Variants in HIVEP1 observed in about 807,000 individuals in gnomAD.
The protein encoded by HIVEP1 is HIVEP zinc finger 1.
HIVEP1 carries 36 observed loss-of-function variants against 180.0 expected under a neutral mutation model. The observed-to-expected ratio is 0.20, with a 90% CI of 0.15 to 0.26. The LOEUF is 0.26. Among genes scored for constraint, HIVEP1 ranks in the 10% least tolerant of loss-of-function variants. The pLI is 1.00. For missense variants in HIVEP1, 3,143 were observed against 3,268.7 expected (o/e 0.96, Z 0.94); for synonymous variants, 1,239 against 1,239.0 (o/e 1.00, Z 0.00).
chr6:12,165,922 T>A (rs559073134), downstream of HIVEP1, among the ~76,000 whole-genome samples: 5 of 152,330 alleles, frequency 3.3e-5, no homozygotes, highest in South Asian at 1.0e-3. Flanking sequence ...TCAATTAGGA[T>A]CTCCAAGGTG....
At chr6:12,185,697 A>G in the HIVEP1 span, among the ~76,000 whole-genome samples, 1,337 of 152,322 alleles carry the variant, frequency 8.8e-3, 28 homozygotes, top group African/African-American at 0.03. Flanking sequence ...AATTTGCTCA[A>G]TACCAGTAGT....
At chr6:12,151,242 T>C (rs1027005798) in intron 7 of HIVEP1, among the ~76,000 whole-genome samples, 1 of 152,310 alleles carries the variant, frequency 6.6e-6, no homozygotes, top group Admixed American at 6.5e-5. Context: ...TTTTATTGAG[T>C]ATTAGAAACA....
chr6:12,056,269 T>C (rs1301218625), intron 2 of HIVEP1, among the ~76,000 whole-genome samples: 2 of 152,116 alleles, frequency 1.3e-5, no homozygotes, highest in East Asian at 1.9e-4. Flanking sequence ...GAAGGAAGTG[T>C]CTTGAATGTA....
At chr6:12,160,974 TCA>T (rs1198701039) in intron 7 of HIVEP1, among the ~76,000 whole-genome samples, 1 of 152,226 alleles carries the variant, frequency 6.6e-6, no homozygotes, top group African/African-American at 2.4e-5. Context: ...TGTATGTTGC[TCA>T]CAGATACCAA....
chr6:12,055,246 G>A (rs895927401), intron 2 of HIVEP1, among the ~76,000 whole-genome samples: 4 of 152,230 alleles, frequency 2.6e-5, no homozygotes, highest in East Asian at 1.9e-4. Flanking sequence ...AGGCCAAGGC[G>A]GACGAATCAC....
intron 7 of HIVEP1, among the ~76,000 whole-genome samples, chr6:12,154,940 G>A (rs955040928): frequency 2.0e-5 from 3 of 151,706 alleles, no homozygotes; most frequent in Non-Finnish European, 4.4e-5. Flanking sequence ...CCAGCTTTTG[G>A]TTTCCTTGCC....
chr6:12,142,027 A>G (rs1019917915), intron 7 of HIVEP1, among the ~76,000 whole-genome samples: 2 of 152,230 alleles, frequency 1.3e-5, no homozygotes, highest in African/African-American at 2.4e-5. Context: ...CTCTGCACCA[A>G]GCAGACCTAA....
At chr6:12,183,975 A>AGAT in the HIVEP1 span, among the ~76,000 whole-genome samples, 134 of 56,206 alleles carry the variant, frequency 2.4e-3, no homozygotes, top group African/African-American at 7.3e-3. Flanking sequence ...CACATTGTAA[A>AGAT]GATAGATAGA....
the HIVEP1 span, among the ~76,000 whole-genome samples, chr6:12,208,346 T>C: frequency 6.6e-6 from 1 of 152,160 alleles, no homozygotes; most frequent in Non-Finnish European, 1.5e-5. Flanking sequence ...GCAACCTTGA[T>C]GACAGCAGTC....
intron 6 of HIVEP1, among the ~76,000 whole-genome samples, chr6:12,131,831 A>G (rs1272996407): frequency 6.6e-6 from 1 of 151,196 alleles, no homozygotes; most frequent in Non-Finnish European, 1.5e-5. Flanking sequence ...AAATAGAAAC[A>G]ACTTTTATCC....
At chr6:12,088,821 A>G (rs777283941) in intron 2 of HIVEP1, among the ~76,000 whole-genome samples, 7 of 152,082 alleles carry the variant, frequency 4.6e-5, no homozygotes, top group Non-Finnish European at 1.0e-4. Context: ...TAAGCTAGTA[A>G]GCATTTGTTA....
intron 3 of HIVEP1, among the ~76,000 whole-genome samples, chr6:12,111,933 A>G (rs1038176445): frequency 3.9e-5 from 6 of 152,238 alleles, no homozygotes; most frequent in Admixed American, 3.9e-4. Flanking sequence ...CATATTGGAC[A>G]GTACAACTTT....
At chr6:12,025,046 A>T (rs1002810947) in intron 2 of HIVEP1, among the ~76,000 whole-genome samples, 1 of 152,214 alleles carries the variant, frequency 6.6e-6, no homozygotes, top group Non-Finnish European at 1.5e-5. Context: ...TTTGATTCCT[A>T]CAGCTACCTG....
chr6:12,205,427 C>A, the HIVEP1 span, among the ~76,000 whole-genome samples: 23 of 151,590 alleles, frequency 1.5e-4, no homozygotes, highest in Non-Finnish European at 3.2e-4. Flanking sequence ...GCCGAGATTG[C>A]GCCACTGCAC....
At chr6:12,152,688 T>C (rs145440395) in intron 7 of HIVEP1, among the ~76,000 whole-genome samples, 115 of 152,322 alleles carry the variant, frequency 7.5e-4, no homozygotes, top group African/African-American at 2.7e-3. Context: ...TACTATGTAT[T>C]CAGAGACAGA....
intron 4 of HIVEP1, among the ~76,000 whole-genome samples, chr6:12,127,792 C>T (rs757625401): frequency 6.6e-6 from 1 of 152,086 alleles, no homozygotes; most frequent in Non-Finnish European, 1.5e-5. Context: ...TGGCATCACA[C>T]AAAACACAGA....
chr6:12,024,375 A>G (rs1329681158), intron 2 of HIVEP1, among the ~76,000 whole-genome samples: 1 of 152,140 alleles, frequency 6.6e-6, no homozygotes, highest in Non-Finnish European at 1.5e-5. Context: ...TATTGAAAAA[A>G]TAGAAAGTGA....
At chr6:12,173,199 A>G in the HIVEP1 span, among the ~76,000 whole-genome samples, 1 of 152,200 alleles carries the variant, frequency 6.6e-6, no homozygotes, top group Non-Finnish European at 1.5e-5. Context: ...GAGGGAAGAC[A>G]GTGGAGCAGC....
At chr6:12,031,028 TTTG>T (rs1243757915) in intron 2 of HIVEP1, among the ~76,000 whole-genome samples, 2 of 147,896 alleles carry the variant, frequency 1.4e-5, no homozygotes, top group African/African-American at 2.5e-5. Flanking sequence ...CTTTCGTTTG[TTTG>T]TTTTTTTTGT....
Sources: gnomAD v4.1 joint callset for allele counts (sites outside exome capture counted in the v4.1 genomes callset) on GRCh38, gnomAD v4.1.1 for gene constraint, MANE v1.5 for transcripts, NCBI Gene and HGNC (gene_info 2026-07-23, HGNC 2026-07-21) for gene names.